The following AGAP3 variants were observed in gnomAD, a reference collection of about 807,000 sequenced individuals.
AGAP3 encodes the protein arf-GAP with GTPase, ANK repeat and PH domain-containing protein 3.
AGAP3 carries 24 observed loss-of-function variants against 96.9 expected under a neutral mutation model. That is an observed-to-expected ratio of 0.25 (90% CI 0.18 to 0.35). The LOEUF is 0.35. Ranked by LOEUF, AGAP3 falls within the 10% of genes least tolerant of loss-of-function variation. AGAP3 has a pLI of 1.00. For missense variants in AGAP3, 876 were observed against 1,254.2 expected, an observed-to-expected ratio of 0.70 and a Z score of 4.55; for synonymous variants, 563 against 536.1, an observed-to-expected ratio of 1.05 and a Z score of -0.69.
rs370865089 is a variant in AGAP3 at position 151,141,947 on chromosome 7, G to C, written c.1854G>C (p.Thr618=). The C allele has an allele frequency of 1.2e-6, 2 of 1,609,008 alleles. No individual in the cohort carries two copies. The highest frequency in any genetic ancestry group is 3.3e-5 in the Admixed American group (2 of 59,842). Residue 618 remains threonine (T), a synonymous_variant, in exon 14 of 18, where the codon ACG becomes ACC. Coordinates refer to ENST00000397238, the MANE Select transcript of AGAP3 (RefSeq NM_031946.7). The surrounding 1 kb of genome is among the most constrained non-coding windows in gnomAD (Gnocchi z 4.2). ...TGGTGGTGTCCCTCACTGGGCAGACGTGGCACTTCGAGGCTTCAACGGCGG... is the reference window on the plus strand; with the variant it reads ...TGGTGGTGTCCCTCACTGGGCAGACCTGGCACTTCGAGGCTTCAACGGCGG... The part of the protein sequence containing the change: ...EFVVVSLTGQ[T]WHFEASTAEE...
In AGAP3 at chr7:151,142,588, G is replaced by A; in HGVS notation, c.2227G>A (p.Glu743Lys). The change falls in exon 16 of 18, where the codon GAG (glutamate) becomes AAG (lysine). Residue 743 changes from glutamate to lysine, a missense_variant. This residue lies in a region of AGAP3 where 213 missense variants were observed against 253.8 expected (regional missense o/e 0.84). Transcript: ENST00000397238. The surrounding 1 kb of genome is among the most constrained non-coding windows in gnomAD (Gnocchi z 7.5). ...CAATGCCCTCGCCAACAGCGTCTGGGAGGGGGCCTTGGGTGGCTACTCCAA... is the reference window on the plus strand; with the variant it reads ...CAATGCCCTCGCCAACAGCGTCTGGAAGGGGGCCTTGGGTGGCTACTCCAA... ...MGNALANSVW[E>K]GALGGYSKPG... The A allele has an allele frequency of 6.2e-7, 1 of 1,613,522 alleles. No homozygotes were observed. Among genetic ancestry groups the A allele is most frequent in the East Asian group, 2.2e-5 (1 of 44,888 alleles).
In AGAP3 at chr7:151,140,188, A is replaced by G. The variant is rs889707798; in HGVS notation, c.1804+72A>G. On this transcript the variant is annotated intron_variant, in intron 13 of 17. Transcript: ENST00000397238. This position sits in a 1 kb window ranked among gnomAD's most constrained non-coding sequence, Gnocchi z 5.4. Reference sequence around the variant, plus strand: ...GACTTGGGGATAGTACCCTAAAAGTAACACCTATTTTTTATTTTTTGTATT... The same window carrying G: ...GACTTGGGGATAGTACCCTAAAAGTGACACCTATTTTTTATTTTTTGTATT... The G allele has an allele frequency of 4.4e-6, 6 of 1,352,298 alleles. No homozygotes were observed. The African/African-American group carries it at 9.1e-5, about 20-fold the overall frequency. 83.8% of individuals were successfully genotyped at this position (1,352,298 alleles called of 1,614,324 possible).
At chr7:151,110,754 GC>G (rs1409776949) in intron 1 of AGAP3, among the ~76,000 whole-genome samples, 1 of 152,192 alleles carries the variant, frequency 6.6e-6, no homozygotes, top group African/African-American at 2.4e-5. Context: ...ATGGATCTGG[GC>G]CACATTTAGG....
Position 151,096,362 on chromosome 7 carries a change from C to T in AGAP3, c.331+9290C>T, listed in dbSNP as rs186689668. ...GGGCAGGGCTGTCACAGGGCCTGCA[C>T]GTTCCCGTGAACACCCAGGGTCATC... On this transcript the variant is annotated intron_variant, in intron 1 of 17. Transcript: ENST00000397238. The surrounding 1 kb of genome is among the most constrained non-coding windows in gnomAD (Gnocchi z 4.4). Among the ~76,000 whole-genome samples the T allele has an allele frequency of 6.8e-6, 1 of 147,816 alleles. No homozygotes were observed. Among genetic ancestry groups the T allele is most frequent in the East Asian group, 2.0e-4 (1 of 4,882 alleles).
At chr7:151,106,078 G>A (rs1379049027) in intron 1 of AGAP3, among the ~76,000 whole-genome samples, 11 of 151,960 alleles carry the variant, frequency 7.2e-5, no homozygotes, top group Admixed American at 7.2e-4. Context: ...CCTGTCAGTG[G>A]CCAGCAGTGA....
In AGAP3 at chr7:151,141,911, G is replaced by C; in HGVS notation, c.1818G>C (p.Ser606=). 6.2e-7 allele frequency: 1 copy of C among 1,614,144 alleles called. No homozygotes were observed. The highest frequency in any genetic ancestry group is 8.5e-7 in the Non-Finnish European group (1 of 1,179,994). The change falls in exon 14 of 18, where the codon TCG becomes TCC. Residue 606 remains serine, a synonymous_variant. Transcript: ENST00000397238. This position sits in a 1 kb window ranked among gnomAD's most constrained non-coding sequence, Gnocchi z 4.2. ...CCCCCCCAACAGAGGCAGAGGAGTC[G>C]TTTGAATTTGTGGTGGTGTCCCTCA... ...PSSATEEAEE[S]FEFVVVSLTG...
In AGAP3 at chr7:151,138,185, G is replaced by C. The variant is rs776379048; in HGVS notation, c.1538G>C (p.Arg513Pro). Residue 513 changes from arginine (R) to proline (P), a missense_variant, in exon 12 of 18, where the codon CGC becomes CCC. Physicochemically the swap from Arg to Pro is moderately radical, Grantham distance 103 (BLOSUM62 -2). This residue lies in a region of AGAP3 where 155 missense variants were observed against 144.4 expected (regional missense o/e 1.07). Coordinates refer to ENST00000397238, the MANE Select transcript of AGAP3 (RefSeq NM_031946.7). ...AGCAGCGCATCCCTGCACTCTGAGC[G>C]CCCCCTCAGCAGCTCGGCCTGGGCT... The part of the protein sequence containing the change: ...SASSASLHSE[R>P]PLSSSAWAGP... 1 of 1,608,846 alleles carries C rather than the reference G, an allele frequency of 6.2e-7. No homozygotes were observed. The highest frequency in any genetic ancestry group is 8.5e-7 in the Non-Finnish European group (1 of 1,178,350).
intron 9 of AGAP3, among the ~76,000 whole-genome samples, chr7:151,125,632 C>G (rs938569996): frequency 1.1e-4 from 17 of 152,166 alleles, no homozygotes; most frequent in African/African-American, 4.1e-4. Context: ...CTTCTTCCAG[C>G]CTGGTGGCCA....
At position 151,123,876 on chromosome 7, in the gene AGAP3, C is replaced by G. The variant is rs754604766; in HGVS notation, c.1211C>G (p.Pro404Arg). 2 of 1,608,354 alleles carry G rather than the reference C, an allele frequency of 1.2e-6. No homozygotes were observed. Among genetic ancestry groups the G allele is most frequent in the Non-Finnish European group, 1.7e-6 (2 of 1,179,822 alleles). ...VDSIGSGRAI[P>R]IKQGILLKRS... is the part of the protein sequence containing the mutation. ...AGCATCGGGAGCGGCCGCGCCATCC[C>G]CATCAAGCAGGTCAGCGCCTCCCTT... The change falls in exon 9 of 18, where the codon CCC (proline) becomes CGC (arginine). Residue 404 changes from proline (P) to arginine (R), a missense_variant. Coordinates refer to ENST00000397238, the MANE Select transcript of AGAP3 (RefSeq NM_031946.7).
chr7:151,099,214 G>A (rs1028029771), intron 1 of AGAP3, among the ~76,000 whole-genome samples: 35 of 151,604 alleles, frequency 2.3e-4, no homozygotes, highest in African/African-American at 8.2e-4. Context: ...ATGGTGGCGG[G>A]CGCCTGTAGT....
rs993405096 is a variant in AGAP3, at chr7:151,142,962, C to A, written c.2273+328C>A. ...GGGTGAGAGATAGGGGAGTGTGTGG[C>A]CCCCCAGTGCAGGCCCCCACCCGCT... On this transcript the variant is annotated intron_variant, in intron 16 of 17. Transcript: ENST00000397238. This position sits in a 1 kb window ranked among gnomAD's most constrained non-coding sequence, Gnocchi z 7.5. 2.6e-5 allele frequency among the ~76,000 whole-genome samples: 4 copies of A among 152,126 alleles called. No individual in the cohort carries two copies. Among genetic ancestry groups the A allele is most frequent in the African/African-American group, 9.7e-5 (4 of 41,424 alleles).
rs72617353 is a variant in AGAP3, at chr7:151,105,736, C to T, written c.332-11057C>T. Among the ~76,000 whole-genome samples, 886 of 140,512 alleles carry T rather than the reference C, an allele frequency of 6.3e-3. 47 individuals carry two copies. In the East Asian group the frequency reaches 0.13, roughly 21 times the overall value. The allele number at this position is 140,512 out of a possible 152,430, so 92.2% of individuals were successfully genotyped here. A position where few individuals can be genotyped will look rare whatever the true frequency, so the allele number is the denominator to read the frequency against. On this transcript the variant is annotated intron_variant, in intron 1 of 17. Transcript: ENST00000397238. ...AAGCTCTAATCTCGCCACTGCACTC[C>T]GGCCTGGGGAACAGAGCCTGTCTCC... is the stretch of plus-strand genomic sequence containing the variant.
At chr7:151,088,168 G>C (rs1284094299) in intron 1 of AGAP3, among the ~76,000 whole-genome samples, 1 of 152,258 alleles carries the variant, frequency 6.6e-6, no homozygotes, top group Non-Finnish European at 1.5e-5. Context: ...CTGAGGTTCT[G>C]GGGGATAGTG....
chr7:151,099,693 G>T (rs1041776475), intron 1 of AGAP3, among the ~76,000 whole-genome samples: 12 of 152,256 alleles, frequency 7.9e-5, no homozygotes, highest in African/African-American at 2.9e-4. Context: ...CTGTCAGTCA[G>T]CATCTTGACC....
intron 10 of AGAP3, among the ~76,000 whole-genome samples, chr7:151,131,437 C>T (rs1390656748): frequency 6.6e-6 from 1 of 152,266 alleles, no homozygotes; most frequent in East Asian, 1.9e-4. Flanking sequence ...GAAGAAATTG[C>T]TGTTTGATGG....
chr7:151,129,544 G>A, intron 10 of AGAP3, among the ~76,000 whole-genome samples: 1 of 152,198 alleles, frequency 6.6e-6, no homozygotes, highest in East Asian at 1.9e-4. Context: ...CTCAGGCAAT[G>A]GTCCTCCCCC....
intron 1 of AGAP3, among the ~76,000 whole-genome samples, chr7:151,106,342 TA>T: frequency 6.6e-6 from 1 of 152,286 alleles, no homozygotes; most frequent in South Asian, 2.1e-4. Context: ...TTAAATTATT[TA>T]TTTTTTTGAG....
chr7:151,125,763 G>C (rs981275550), intron 9 of AGAP3, among the ~76,000 whole-genome samples: 3 of 152,244 alleles, frequency 2.0e-5, no homozygotes, highest in Non-Finnish European at 4.4e-5. Flanking sequence ...CTCCTGCTGG[G>C]AGTGGAGATT....
In AGAP3 at chr7:151,136,380, C is replaced by A. The variant is rs118050334; in HGVS notation, c.1496-1763C>A. 1,196 of 152,348 alleles carry A rather than the reference C, an allele frequency of 7.9e-3. 13 individuals carry two copies. The highest frequency in any genetic ancestry group is 0.011 in the Non-Finnish European group (718 of 68,036). The allele number at this position is 152,348 out of a possible 1,614,324, so 9.4% of individuals were successfully genotyped here. A position where few individuals can be genotyped will look rare whatever the true frequency, so the allele number is the denominator to read the frequency against. On this transcript the variant is annotated intron_variant, in intron 11 of 17. Coordinates refer to ENST00000397238, the MANE Select transcript of AGAP3 (RefSeq NM_031946.7). ...CCCTCGCTCCTGTAATGACAGCGCCCACACGCAGGAGCTCGCGGACGGTGC... is the reference window on the plus strand; with the variant it reads ...CCCTCGCTCCTGTAATGACAGCGCCAACACGCAGGAGCTCGCGGACGGTGC...
Sources: gnomAD v4.1 joint callset for allele counts (sites outside exome capture counted in the v4.1 genomes callset) on GRCh38, gnomAD v4.1.1 for gene constraint, gnomAD v4.1.1 regional missense constraint, Gnocchi (gnomAD v3.1) non-coding constraint, MANE v1.5 for transcripts, NCBI Gene and HGNC (gene_info 2026-07-23, HGNC 2026-07-21) for gene names.